Variants in RYR3 observed in about 807,000 individuals in gnomAD.
RYR3 encodes the protein ryanodine receptor 3.
Under a neutral mutation model 584.3 loss-of-function variants are expected in RYR3, and 207 were observed. The ratio of observed to expected loss-of-function variants is 0.35; its 90% CI spans 0.32 to 0.40. The LOEUF (loss-of-function observed/expected upper bound fraction) is 0.40. RYR3 is among the 10% of genes least tolerant of loss of function. The pLI is 1.00. For missense variants in RYR3, 5,616 were observed against 6,089.2 expected, an observed-to-expected ratio of 0.92 and a Z score of 2.59; for synonymous variants, 2,416 against 2,248.5, an observed-to-expected ratio of 1.07 and a Z score of -2.11.
chr15:33,806,897 C>T (rs2076240456), intron 69 of RYR3, among the ~76,000 whole-genome samples: 1 of 151,366 alleles, frequency 6.6e-6, no homozygotes, highest in African/African-American at 2.4e-5. Flanking sequence ...GGGACTATAA[C>T]ACACAACCCC....
chr15:33,405,427 C>T (rs565243437), intron 1 of RYR3, among the ~76,000 whole-genome samples: 3 of 152,264 alleles, frequency 2.0e-5, no homozygotes, highest in Admixed American at 2.0e-4. Context: ...CTGCTAGCAC[C>T]TGGGACTATG....
At chr15:33,699,336 C>T (rs1325085619) in intron 40 of RYR3, among the ~76,000 whole-genome samples, 2 of 143,322 alleles carry the variant, frequency 1.4e-5, no homozygotes, top group South Asian at 2.3e-4. Flanking sequence ...CTCACTTTCT[C>T]TCCTCTCTGT....
At chr15:33,673,190 C>A (rs529507778) in intron 38 of RYR3, among the ~76,000 whole-genome samples, 1 of 152,200 alleles carries the variant, frequency 6.6e-6, no homozygotes, top group African/African-American at 2.4e-5. Flanking sequence ...CTGAACCCAA[C>A]GGAATTCAAT....
intron 1 of RYR3, among the ~76,000 whole-genome samples, chr15:33,346,365 T>C (rs1220879841): frequency 2.0e-5 from 3 of 152,262 alleles, no homozygotes; most frequent in Non-Finnish European, 4.4e-5. Context: ...AAAGCAGTGC[T>C]ACTGAAATTA....
intron 74 of RYR3, 153 bp downstream of exon 74, chr15:33,813,732 G>T (rs1217255361): frequency 8.2e-6 from 5 of 608,650 alleles, no homozygotes; most frequent in Non-Finnish European, 1.4e-5. Flanking sequence ...TAAGGGCCTG[G>T]CTAAGACAAT....
chr15:33,609,261 A>G (rs1291451597), intron 18 of RYR3, among the ~76,000 whole-genome samples: 1 of 152,230 alleles, frequency 6.6e-6, no homozygotes, highest in Admixed American at 6.5e-5. Flanking sequence ...TCAGTTCACA[A>G]ATATTTCTTA....
chr15:33,380,571 CCACAGGCTG>C (rs1313233803), intron 1 of RYR3, among the ~76,000 whole-genome samples: 1 of 152,194 alleles, frequency 6.6e-6, no homozygotes, highest in Non-Finnish European at 1.5e-5. Context: ...ATAGCAAATT[CCACAGGCTG>C]CACTTAGTAT....
intron 1 of RYR3, among the ~76,000 whole-genome samples, chr15:33,383,309 G>A (rs866567448): frequency 1.4e-5 from 2 of 145,810 alleles, no homozygotes; most frequent in Non-Finnish European, 3.0e-5. Context: ...TAGTGTTGCC[G>A]TCATGAGAGA....
intron 46 of RYR3, among the ~76,000 whole-genome samples, chr15:33,726,796 A>G (rs1001630307): frequency 1.3e-5 from 2 of 152,268 alleles, no homozygotes; most frequent in Admixed American, 6.5e-5. Context: ...CAAGCCACCA[A>G]TGTAATGTCA....
At chr15:33,771,358 A>C (rs2073557201) in intron 62 of RYR3, among the ~76,000 whole-genome samples, 1 of 152,044 alleles carries the variant, frequency 6.6e-6, no homozygotes, top group Admixed American at 6.5e-5. Context: ...ACATGGTGAA[A>C]CCCCGTCTCT....
At chr15:33,636,612 C>A in intron 27 of RYR3, 62 bp downstream of exon 27, 1 of 1,391,214 alleles carries the variant, frequency 7.2e-7, no homozygotes, top group South Asian at 1.4e-5. Context: ...ATAGGGAGAG[C>A]TGAGCGACCT....
At chr15:33,692,479 T>C (rs1177691033) in intron 38 of RYR3, among the ~76,000 whole-genome samples, 1 of 152,186 alleles carries the variant, frequency 6.6e-6, no homozygotes, top group African/African-American at 2.4e-5. Flanking sequence ...TTTCTCTCAC[T>C]TACTGCACCT....
intron 1 of RYR3, among the ~76,000 whole-genome samples, chr15:33,445,871 T>C (rs1161435052): frequency 1.3e-5 from 2 of 152,140 alleles, no homozygotes; most frequent in African/African-American, 4.8e-5. Context: ...TTTTGTACTG[T>C]TATAAAGAGC....
At chr15:33,590,711 G>A (rs612457) in intron 16 of RYR3, among the ~76,000 whole-genome samples, 17,507 of 149,314 alleles carry the variant, frequency 0.12, 1,147 homozygotes, top group Middle Eastern at 0.19. Context: ...TTAGTGTTTC[G>A]CAGACTGGAA....
chr15:33,592,406 A>G (rs1263837985), intron 16 of RYR3, among the ~76,000 whole-genome samples: 1 of 152,150 alleles, frequency 6.6e-6, no homozygotes, highest in Non-Finnish European at 1.5e-5. Context: ...GATGAACTAG[A>G]TGGTACCAGT....
At position 33,742,414 on chromosome 15, in the gene RYR3, G is replaced by A; in HGVS notation, c.7869G>A (p.Glu2623=). Residue 2623 remains glutamate (E), a synonymous_variant, in exon 52 of 104, where the codon GAG becomes GAA. Transcript: ENST00000634891. ...AATACATCGTCACCAAGTATGCTGA[G>A]CATTCACATGATAAATGGGCCTGTG... is the stretch of plus-strand genomic sequence containing the variant. ...KLEYIVTKYA[E]HSHDKWACDK... 1 of 1,612,698 alleles carries A rather than the reference G, an allele frequency of 6.2e-7. No individual in the cohort carries two copies. Among genetic ancestry groups the A allele is most frequent in the Non-Finnish European group, 8.5e-7 (1 of 1,178,762 alleles).
intron 33 of RYR3, 37 bp from the exon 34 acceptor site, chr15:33,660,160 T>C: frequency 7.1e-7 from 1 of 1,412,202 alleles, no homozygotes; most frequent in South Asian, 1.2e-5. Flanking sequence ...CCAGCAACTG[T>C]GTGTTTCTTT....
At chr15:33,758,517 A>G (rs2072092041) in intron 60 of RYR3, among the ~76,000 whole-genome samples, 1 of 152,122 alleles carries the variant, frequency 6.6e-6, no homozygotes, top group Non-Finnish European at 1.5e-5. Context: ...AGTATAAACA[A>G]AGCTGCCAGG....
chr15:33,318,229 GCTAT>G (rs1269709150), intron 1 of RYR3, among the ~76,000 whole-genome samples: 16 of 152,322 alleles, frequency 1.1e-4, no homozygotes, highest in Admixed American at 9.2e-4. Context: ...GTGGTTTTAT[GCTAT>G]AGGAACCAGC....
Sources: allele counts gnomAD v4.1 joint callset (sites outside exome capture counted in the v4.1 genomes callset), GRCh38; gene constraint gnomAD v4.1.1; transcripts MANE v1.5; gene names NCBI Gene and HGNC (gene_info 2026-07-23, HGNC 2026-07-21).